The following SRPK1 variants were observed in gnomAD, a reference collection of about 807,000 sequenced individuals.
SRPK1 encodes the protein SRSF protein kinase 1.
A neutral mutation model predicts 89.5 loss-of-function variants in SRPK1; 52 were observed. The observed-to-expected ratio is 0.58, with a 90% CI of 0.46 to 0.73. SRPK1 has a LOEUF of 0.73. Ranked by LOEUF, SRPK1 falls within the 30% of genes least tolerant of loss-of-function variation. The pLI is 0.00. For missense variants in SRPK1, 603 were observed against 780.6 expected (o/e 0.77, Z 2.71); for synonymous variants, 255 against 270.2 (o/e 0.94, Z 0.55).
intron 12 of SRPK1, among the ~76,000 whole-genome samples, chr6:35,861,107 A>C (rs908141756): frequency 6.6e-6 from 1 of 152,178 alleles, no homozygotes; most frequent in Non-Finnish European, 1.5e-5. Context: ...CACAGAAAGG[A>C]ACCAGAACAG....
At chr6:35,883,617 T>C (rs1770343484) in intron 6 of SRPK1, among the ~76,000 whole-genome samples, 1 of 151,880 alleles carries the variant, frequency 6.6e-6, no homozygotes, top group Non-Finnish European at 1.5e-5. Context: ...ATATAGTAGC[T>C]TAAAAAAAAA....
intron 2 of SRPK1, among the ~76,000 whole-genome samples, chr6:35,919,341 T>C (rs571880563): frequency 2.6e-5 from 4 of 152,218 alleles, no homozygotes; most frequent in East Asian, 1.9e-4. Flanking sequence ...CCCCAAACAG[T>C]AGGTAGCCTC....
chr6:35,896,872 A>C (rs1770636171), intron 2 of SRPK1, among the ~76,000 whole-genome samples: 1 of 152,252 alleles, frequency 6.6e-6, no homozygotes, highest in South Asian at 2.1e-4. Flanking sequence ...TCATATATCT[A>C]TACATAAAAA....
chr6:35,844,701 T>A (rs1769390096), intron 13 of SRPK1, among the ~76,000 whole-genome samples: 1 of 152,178 alleles, frequency 6.6e-6, no homozygotes, highest in African/African-American at 2.4e-5. Flanking sequence ...ATAGAGCAGA[T>A]ACTTGTTCTA....
At chr6:35,907,781 T>C (rs1273411704) in intron 2 of SRPK1, among the ~76,000 whole-genome samples, 2 of 152,058 alleles carry the variant, frequency 1.3e-5, no homozygotes, top group Admixed American at 6.6e-5. Flanking sequence ...GGAACAGCCT[T>C]GATATAGTTT....
In SRPK1 at chr6:35,866,451, G is replaced by A. The variant is rs376204045; in HGVS notation, c.1512+2559C>T. Among the ~76,000 whole-genome samples, 12 of 152,244 alleles carry A rather than the reference G, an allele frequency of 7.9e-5. No individual in the cohort carries two copies. In the South Asian group the frequency reaches 1.7e-3, roughly 21 times the overall value. ...ATACAAAAAATTAGCCGGCTGTGGC[G>A]GCACGTGCCTGTAGTCCCAGCTACG... is the stretch of plus-strand genomic sequence containing the variant. On this transcript the variant is annotated intron_variant, in intron 12 of 15. Transcript: ENST00000373825.
chr6:35,912,566 G>C (rs1263603545), intron 2 of SRPK1, among the ~76,000 whole-genome samples: 1 of 152,200 alleles, frequency 6.6e-6, no homozygotes, highest in Non-Finnish European at 1.5e-5. Flanking sequence ...AAAACTTTGT[G>C]TGACTCGCTT....
In SRPK1 at chr6:35,872,475, A is replaced by G. The variant is rs115563733; in HGVS notation, c.751+88T>C. ...AATATGTTATTGTTGAAATGGATTG[A>G]GTGGTGTTTAATTCCCTGGTAACAG... On this transcript the variant is annotated intron_variant, in intron 8 of 15. Transcript: ENST00000373825. 241 of 1,169,060 alleles carry G rather than the reference A, an allele frequency of 2.1e-4. No individual in the cohort carries two copies. In the African/African-American group the frequency reaches 3.5e-3, roughly 17 times the overall value. The allele number at this position is 1,169,060 out of a possible 1,614,324, so 72.4% of individuals were successfully genotyped here.
chr6:35,837,167 T>C (rs973686320), intron 15 of SRPK1, among the ~76,000 whole-genome samples: 1 of 152,240 alleles, frequency 6.6e-6, no homozygotes, highest in Non-Finnish European at 1.5e-5. Context: ...TTTGTTTTTG[T>C]GGTTTTTTTT....
chr6:35,876,503 G>A (rs1203370125), intron 6 of SRPK1, among the ~76,000 whole-genome samples: 1 of 152,068 alleles, frequency 6.6e-6, no homozygotes, highest in Non-Finnish European at 1.5e-5. Flanking sequence ...TTAGCCAAGT[G>A]TGGTGGCGTG....
At chr6:35,905,589 C>G (rs1770833171) in intron 2 of SRPK1, among the ~76,000 whole-genome samples, 1 of 152,190 alleles carries the variant, frequency 6.6e-6, no homozygotes, top group African/African-American at 2.4e-5. Context: ...AGGAACTAGT[C>G]AGTGCAACTA....
At chr6:35,844,513 T>C (rs139985198) in intron 13 of SRPK1, among the ~76,000 whole-genome samples, 2 of 152,296 alleles carry the variant, frequency 1.3e-5, no homozygotes, top group South Asian at 2.1e-4. Flanking sequence ...TGCAGTTTCA[T>C]GACAGAACAG....
chr6:35,893,946 G>A (rs930451468), intron 2 of SRPK1, among the ~76,000 whole-genome samples: 4 of 152,090 alleles, frequency 2.6e-5, no homozygotes, highest in African/African-American at 9.7e-5. Flanking sequence ...GGGAGACAGA[G>A]GTTGCAATGA....
chr6:35,885,298 C>CACACACAGAG (rs1276672274), intron 6 of SRPK1, among the ~76,000 whole-genome samples: 120 of 113,180 alleles, frequency 1.1e-3, no homozygotes, highest in African/African-American at 2.3e-3. Flanking sequence ...CACACACACA[C>CACACACAGAG]AGAGAGAGAG....
chr6:35,835,930 G>C (rs1045318971), intron 15 of SRPK1, among the ~76,000 whole-genome samples: 5 of 152,046 alleles, frequency 3.3e-5, no homozygotes, highest in African/African-American at 1.2e-4. Flanking sequence ...CAGTGAGGCA[G>C]TAAAGTTAAA....
intron 7 of SRPK1, 96 bp from the exon 8 acceptor site, chr6:35,872,824 T>G: frequency 9.7e-7 from 1 of 1,035,904 alleles, no homozygotes; most frequent in Non-Finnish European, 1.3e-6. Context: ...AAAAAAAAGA[T>G]ATGATAGCGT....
chr6:35,869,970 A>C, intron 10 of SRPK1, 69 bp from the exon 11 acceptor site: 1 of 1,456,580 alleles, frequency 6.9e-7, no homozygotes, highest in Non-Finnish European at 9.2e-7. Context: ...AACATTTCTC[A>C]CAAGATTAAA....
At chr6:35,885,745 TG>T (rs1295600377) in intron 6 of SRPK1, among the ~76,000 whole-genome samples, 1 of 152,254 alleles carries the variant, frequency 6.6e-6, no homozygotes, top group Admixed American at 6.5e-5. Context: ...CATCTTTTAC[TG>T]AAAAATCTGA....
intron 13 of SRPK1, among the ~76,000 whole-genome samples, chr6:35,847,777 C>T (rs757480878): frequency 2.0e-5 from 3 of 151,672 alleles, no homozygotes; most frequent in African/African-American, 4.8e-5. Context: ...AAATTGAAGA[C>T]ACAAATAAAT....
Sources: gnomAD v4.1 joint callset for allele counts (sites outside exome capture counted in the v4.1 genomes callset) on GRCh38, gnomAD v4.1.1 for gene constraint, MANE v1.5 for transcripts, NCBI Gene and HGNC (gene_info 2026-07-23, HGNC 2026-07-21) for gene names.